MAP2: variants seen among roughly 807,000 people sequenced by gnomAD.
MAP2 encodes microtubule-associated protein 2.
Under a neutral mutation model 137.6 loss-of-function variants are expected in MAP2, and 14 were observed. The observed-to-expected ratio is 0.10, with a 90% CI of 0.07 to 0.16. MAP2 has a LOEUF of 0.16. Among genes scored for constraint, MAP2 ranks in the 10% least tolerant of loss-of-function variants. MAP2 has a pLI of 1.00. For missense variants in MAP2, 2,088 were observed against 2,191.5 expected, an observed-to-expected ratio of 0.95 and a Z score of 0.94; for synonymous variants, 786 against 782.3, an observed-to-expected ratio of 1.00 and a Z score of -0.08.
At chr2:209,630,452 A>T (rs539762311) in intron 4 of MAP2, among the ~76,000 whole-genome samples, 53 of 152,268 alleles carry the variant, frequency 3.5e-4, no homozygotes, top group African/African-American at 1.2e-3. Flanking sequence ...ATTTTTAATG[A>T]CCTGAGCTGC....
intron 2 of MAP2, among the ~76,000 whole-genome samples, chr2:209,527,399 CAAT>C (rs2064233344): frequency 6.6e-6 from 1 of 152,068 alleles, no homozygotes; most frequent in Non-Finnish European, 1.5e-5. Flanking sequence ...CATAGTTGCT[CAAT>C]AATATCTGTT....
At chr2:209,672,278 A>G (rs59155421) in intron 5 of MAP2, among the ~76,000 whole-genome samples, 16,396 of 151,816 alleles carry the variant, frequency 0.11, 1,088 homozygotes, top group East Asian at 0.22. Context: ...CAGTGACCCA[A>G]CATTTCAGCA....
intron 5 of MAP2, among the ~76,000 whole-genome samples, chr2:209,676,307 A>G (rs1437229014): frequency 6.6e-6 from 1 of 151,896 alleles, no homozygotes; most frequent in Non-Finnish European, 1.5e-5. Flanking sequence ...GCATGTTCTC[A>G]ATTATAAGTG....
In MAP2 at chr2:209,695,413, A is replaced by G. The variant is rs1431910006; in HGVS notation, c.3243A>G (p.Ser1081=). The G allele has an allele frequency of 6.2e-7, 1 of 1,613,308 alleles. No individual in the cohort carries two copies. Among genetic ancestry groups the G allele is most frequent in the East Asian group, 2.2e-5 (1 of 44,872 alleles). ...AGGCTACACAGGACATGACCCCCTC[A>G]TCCAAAGCACCGCAGGAGGCAGATG... ...KLEATQDMTP[S]SKAPQEADAF... Residue 1081 remains serine (S), a synonymous_variant, in exon 8 of 16, where the codon TCA becomes TCG. Coordinates refer to ENST00000682079, the MANE Select transcript of MAP2 (RefSeq NM_001375505.1).
chr2:209,631,686 T>C (rs2093067041), intron 4 of MAP2, among the ~76,000 whole-genome samples: 2 of 152,164 alleles, frequency 1.3e-5, no homozygotes, highest in Non-Finnish European at 2.9e-5. Context: ...TATAAACTTA[T>C]TTTCGAGCCA....
intron 1 of MAP2, among the ~76,000 whole-genome samples, chr2:209,496,855 G>A (rs1300957826): frequency 1.3e-5 from 2 of 152,038 alleles, no homozygotes; most frequent in African/African-American, 2.4e-5. Context: ...GATTTCAGTG[G>A]TGCAATCATA....
chr2:209,509,725 C>T (rs1410040684), intron 2 of MAP2, among the ~76,000 whole-genome samples: 2 of 151,752 alleles, frequency 1.3e-5, no homozygotes, highest in Non-Finnish European at 2.9e-5. Flanking sequence ...ACAGAAAAAG[C>T]ATGTTTATCT....
At chr2:209,550,246 A>T (rs984346274) in intron 2 of MAP2, among the ~76,000 whole-genome samples, 1 of 152,160 alleles carries the variant, frequency 6.6e-6, no homozygotes, top group Admixed American at 6.5e-5. Context: ...ATCAAACCAC[A>T]CTCAAAACAT....
At chr2:209,451,834 T>C (rs1700390647) in intron 1 of MAP2, among the ~76,000 whole-genome samples, 1 of 152,128 alleles carries the variant, frequency 6.6e-6, no homozygotes, top group South Asian at 2.1e-4. Context: ...AAGGACTTTA[T>C]CTTTAGGTGC....
At chr2:209,602,255 G>A (rs998466773) in intron 3 of MAP2, among the ~76,000 whole-genome samples, 2 of 152,150 alleles carry the variant, frequency 1.3e-5, no homozygotes, top group African/African-American at 4.8e-5. Flanking sequence ...TTCATTTACT[G>A]TTTGGGTTAA....
chr2:209,553,349 G>A (rs1188911257), intron 2 of MAP2, among the ~76,000 whole-genome samples: 4 of 152,062 alleles, frequency 2.6e-5, no homozygotes, highest in East Asian at 1.9e-4. Context: ...ATGGTACAGC[G>A]AGAAGAGCCC....
intron 7 of MAP2, 134 bp downstream of exon 7, chr2:209,680,961 G>A: frequency 1.9e-6 from 1 of 538,958 alleles, no homozygotes; most frequent in East Asian, 3.0e-5. Flanking sequence ...AAATAATGAA[G>A]AAGAAACAAA....
At chr2:209,458,988 A>G (rs1559188003) in intron 1 of MAP2, among the ~76,000 whole-genome samples, 1 of 152,200 alleles carries the variant, frequency 6.6e-6, no homozygotes, top group Non-Finnish European at 1.5e-5. Context: ...GTTATCTGAC[A>G]AATAATCATT....
chr2:209,445,819 C>CA (rs1698918001), intron 1 of MAP2, among the ~76,000 whole-genome samples: 1 of 151,588 alleles, frequency 6.6e-6, no homozygotes, highest in South Asian at 2.1e-4. Context: ...TATGTGGACT[C>CA]AAACTCAACA....
At chr2:209,711,992 T>C (rs894777052) in intron 13 of MAP2, among the ~76,000 whole-genome samples, 3 of 152,118 alleles carry the variant, frequency 2.0e-5, no homozygotes, top group African/African-American at 7.2e-5. Context: ...ATCTCCAAGA[T>C]ATTGTATTAA....
intron 2 of MAP2, among the ~76,000 whole-genome samples, chr2:209,546,138 G>A (rs1286709577): frequency 3.3e-5 from 5 of 152,104 alleles, no homozygotes; most frequent in African/African-American, 7.2e-5. Context: ...GTGAGACTCC[G>A]TCTCAAAAAG....
intron 12 of MAP2, among the ~76,000 whole-genome samples, chr2:209,709,328 G>C (rs2064602639): frequency 6.6e-6 from 1 of 152,112 alleles, no homozygotes; most frequent in South Asian, 2.1e-4. Flanking sequence ...ACATGATATA[G>C]TATAGCAGTG....
intron 1 of MAP2, among the ~76,000 whole-genome samples, chr2:209,431,793 C>T (rs2149288788): frequency 6.6e-6 from 1 of 152,238 alleles, no homozygotes; most frequent in African/African-American, 2.4e-5. Flanking sequence ...ACCTGCCCAA[C>T]TTCGTGACTC....
chr2:209,646,287 A>AT (rs113059600), intron 4 of MAP2, among the ~76,000 whole-genome samples: 3 of 152,002 alleles, frequency 2.0e-5, no homozygotes, highest in East Asian at 1.9e-4. Flanking sequence ...TTTATTATGC[A>AT]TTTTTTTTGC....
Sources: allele counts gnomAD v4.1 joint callset (sites outside exome capture counted in the v4.1 genomes callset), GRCh38; gene constraint gnomAD v4.1.1; transcripts MANE v1.5; gene names NCBI Gene and HGNC (gene_info 2026-07-23, HGNC 2026-07-21).